STAU2: variants seen among roughly 807,000 people sequenced by gnomAD.
The protein encoded by STAU2 is staufen double-stranded RNA binding protein 2, also known as double-stranded RNA-binding protein Staufen homolog 2.
A neutral mutation model predicts 65.9 loss-of-function variants in STAU2; 20 were observed. The observed-to-expected ratio is 0.30, with a 90% confidence interval of 0.21 to 0.44. The LOEUF is 0.44. STAU2 is among the 20% of genes least tolerant of loss of function. STAU2 has a pLI of 1.00. For missense variants in STAU2, 558 were observed against 683.9 expected (o/e 0.82, Z 2.05); for synonymous variants, 232 against 233.9 (o/e 0.99, Z 0.07).
chr8:73,532,215 A>C (rs1383027519), intron 13 of STAU2, among the ~76,000 whole-genome samples: 1 of 152,202 alleles, frequency 6.6e-6, no homozygotes, highest in African/African-American at 2.4e-5. Context: ...TTTCAACCAT[A>C]GCATCACATG....
intron 12 of STAU2, among the ~76,000 whole-genome samples, chr8:73,574,584 A>C (rs1174291543): frequency 6.6e-6 from 1 of 152,230 alleles, no homozygotes; most frequent in East Asian, 1.9e-4. Context: ...TCATAAAAAA[A>C]GGATGACTTC....
At chr8:73,600,566 T>C (rs1334428789) in intron 10 of STAU2, among the ~76,000 whole-genome samples, 1 of 152,224 alleles carries the variant, frequency 6.6e-6, no homozygotes, top group African/African-American at 2.4e-5. Flanking sequence ...TGTTATTTTT[T>C]CCAATGCTTT....
At chr8:73,632,604 C>A (rs1239034284) in intron 6 of STAU2, among the ~76,000 whole-genome samples, 2 of 152,118 alleles carry the variant, frequency 1.3e-5, no homozygotes, top group African/African-American at 4.8e-5. Flanking sequence ...ACAATCTGAG[C>A]TTATAAGACT....
chr8:73,646,938 G>GACACAGAC (rs1554555346), intron 6 of STAU2, among the ~76,000 whole-genome samples: 4 of 143,968 alleles, frequency 2.8e-5, no homozygotes, highest in Non-Finnish European at 6.1e-5. Flanking sequence ...CACACAGCCA[G>GACACAGAC]ACACACACAC....
At chr8:73,745,115 C>T (rs1807180651) in intron 1 of STAU2, among the ~76,000 whole-genome samples, 5 of 152,294 alleles carry the variant, frequency 3.3e-5, no homozygotes, top group Admixed American at 2.0e-4. Flanking sequence ...TAAAATATGG[C>T]AATAGTGACT....
chr8:73,443,833 G>A (rs1444219683), intron 13 of STAU2, among the ~76,000 whole-genome samples: 1 of 145,396 alleles, frequency 6.9e-6, no homozygotes, highest in East Asian at 2.0e-4. Context: ...AGGTGACAGA[G>A]TGACACCCTG....
intron 3 of STAU2, among the ~76,000 whole-genome samples, chr8:73,711,673 A>G (rs776270019): frequency 7.2e-5 from 11 of 152,138 alleles, no homozygotes; most frequent in Non-Finnish European, 1.0e-4. Flanking sequence ...GTTTGGTATG[A>G]AAACCTAATC....
Position 73,704,329 on chromosome 8 carries a change from T to C in STAU2, c.114+4703A>G, listed in dbSNP as rs77439263. Among the ~76,000 whole-genome samples the C allele has an allele frequency of 6.3e-3, 963 of 152,260 alleles. 6 individuals are homozygous for C. The highest frequency in any genetic ancestry group is 9.1e-3 in the Admixed American group (139 of 15,296). ...ATAAATAAAAGAGACCAAAGAGACA[T>C]AGCCACCAAATGTAATACATGATCC... On this transcript the variant is annotated intron_variant, in intron 4 of 14. Coordinates refer to ENST00000524300, the MANE Select transcript of STAU2 (RefSeq NM_001164380.2).
At chr8:73,747,225 C>A, upstream of STAU2, 1 of 805,952 alleles carries the variant, frequency 1.2e-6, no homozygotes, top group Non-Finnish European at 1.9e-6. Flanking sequence ...GCGCCCGGTC[C>A]GCAGTCTCCT....
rs1816678899 is a variant in STAU2, at chr8:73,424,847, G to C, written c.1531-2145C>G. Among the ~76,000 whole-genome samples, 4 of 151,822 alleles carry C rather than the reference G, an allele frequency of 2.6e-5. No homozygotes were observed. The South Asian group carries it at 8.3e-4, about 32-fold the overall frequency. On this transcript the variant is annotated intron_variant, in intron 13 of 14. Transcript: ENST00000524300. ...TCTTTAAATCAGGCTTCCTAGATCA[G>C]AGGTGCTAATGTGAGTGCCCATGCA...
intron 1 of STAU2, among the ~76,000 whole-genome samples, chr8:73,740,777 G>T (rs1326228028): frequency 6.6e-6 from 1 of 152,114 alleles, no homozygotes; most frequent in Admixed American, 6.5e-5. Context: ...GAGGTGGGGG[G>T]ATCACCTGAG....
intron 9 of STAU2, among the ~76,000 whole-genome samples, chr8:73,608,561 A>T (rs996960489): frequency 8.6e-5 from 13 of 151,436 alleles, no homozygotes; most frequent in Admixed American, 8.6e-4. Context: ...CAGTGAGCCA[A>T]GATCATGCCA....
Position 73,673,109 on chromosome 8 carries a change from C to T in STAU2, c.408G>A (p.Gln136=). 1 of 1,568,454 alleles carries T rather than the reference C, an allele frequency of 6.4e-7. No individual in the cohort carries two copies. Among genetic ancestry groups the T allele is most frequent in the Non-Finnish European group, 8.6e-7 (1 of 1,160,074 alleles). ...AAAACCAAAAAAGACATACAAACCT[C>T]TGATTGTACATGCCCCGAAAGTTGT... is the stretch of plus-strand genomic sequence containing the variant. ...ANYNFRGMYN[Q]RYHCPVPKIF... The change falls in exon 6 of 15, where the codon CAG becomes CAA. Residue 136 remains glutamine (Q), a splice_region_variant and synonymous_variant. Transcript: ENST00000524300.
At chr8:73,560,323 G>A (rs574074828) in intron 12 of STAU2, among the ~76,000 whole-genome samples, 26 of 151,940 alleles carry the variant, frequency 1.7e-4, no homozygotes, top group African/African-American at 5.8e-4. Flanking sequence ...CTCGTGATCC[G>A]CCCACCTCGG....
chr8:73,447,272 T>A (rs185475619), intron 13 of STAU2, among the ~76,000 whole-genome samples: 55 of 152,358 alleles, frequency 3.6e-4, no homozygotes, highest in Admixed American at 8.5e-4. Context: ...TACACATATA[T>A]GGACTTTTGG....
rs573813937 is a variant in STAU2 at position 73,420,488 on chromosome 8, A to G, written c.*884T>C. The G allele has an allele frequency of 1.1e-3, 281 of 261,278 alleles. No individual in the cohort carries two copies. Among genetic ancestry groups the G allele is most frequent in the Admixed American group, 2.3e-3 (52 of 22,704 alleles). The allele number at this position is 261,278 out of a possible 1,614,324, so 16.2% of individuals were successfully genotyped here. On this transcript the variant is annotated 3_prime_UTR_variant, in exon 15 of 15. Transcript: ENST00000524300. ...CAGGTTTTTCCCTTCCCCGTCATGTACATTATTTATTTTTGATCCTACTCA... is the reference window on the plus strand; with the variant it reads ...CAGGTTTTTCCCTTCCCCGTCATGTGCATTATTTATTTTTGATCCTACTCA...
intron 12 of STAU2, among the ~76,000 whole-genome samples, chr8:73,570,929 T>G (rs56026135): frequency 0.18 from 28,065 of 152,036 alleles, 2,787 homozygotes; most frequent in African/African-American, 0.24. Flanking sequence ...GGCTAAATGC[T>G]CCAATTAAAA....
chr8:73,669,682 C>A (rs1817526576), intron 6 of STAU2, among the ~76,000 whole-genome samples: 1 of 147,836 alleles, frequency 6.8e-6, no homozygotes, highest in African/African-American at 2.5e-5. Context: ...AACATTCACA[C>A]TGCTTTTTCT....
At chr8:73,639,430 G>A (rs947611143) in intron 6 of STAU2, among the ~76,000 whole-genome samples, 3 of 152,018 alleles carry the variant, frequency 2.0e-5, no homozygotes, top group Non-Finnish European at 4.4e-5. Context: ...TCTGGGAGAT[G>A]AATGAGATGC....
Sources: allele counts gnomAD v4.1 joint callset (sites outside exome capture counted in the v4.1 genomes callset), GRCh38; gene constraint gnomAD v4.1.1; transcripts MANE v1.5; gene names NCBI Gene and HGNC (gene_info 2026-07-23, HGNC 2026-07-21).